The following PRKN variants were observed in gnomAD, a reference collection of about 807,000 sequenced individuals.
PRKN encodes parkin RBR E3 ubiquitin protein ligase, also known as E3 ubiquitin-protein ligase parkin.
Under a neutral mutation model 59.5 loss-of-function variants are expected in PRKN, and 56 were observed. The observed-to-expected ratio is 0.94, with a 90% CI of 0.76 to 1.18. The LOEUF is 1.18. Ranked by LOEUF, PRKN falls within the 50% of genes most tolerant of loss-of-function variation. PRKN has a pLI of 0.00. For missense variants in PRKN, 657 were observed against 596.4 expected (o/e 1.10, Z -1.06); for synonymous variants, 250 against 222.1 (o/e 1.13, Z -1.12).
chr6:161,387,245 T>G (rs541077874), intron 9 of PRKN, among the ~76,000 whole-genome samples: 1 of 152,318 alleles, frequency 6.6e-6, no homozygotes, highest in East Asian at 1.9e-4. Context: ...GGGAGGTAAT[T>G]GAATCATGGG....
chr6:161,936,311 C>T lies in PRKN; in HGVS notation c.734+36991G>A, dbSNP rs113925535. On this transcript the variant is annotated intron_variant, in intron 6 of 11. Coordinates refer to ENST00000366898, the MANE Select transcript of PRKN (RefSeq NM_004562.3). ...TGCACCACCACCTCCTGGGTTCAAGCGATTCTTCTGCCTCAGTCTCCCAAG... is the reference window on the plus strand; with the variant it reads ...TGCACCACCACCTCCTGGGTTCAAGTGATTCTTCTGCCTCAGTCTCCCAAG... Among the ~76,000 whole-genome samples the T allele has an allele frequency of 2.2e-3, 325 of 150,926 alleles. 1 individual carries two copies. Among genetic ancestry groups the T allele is most frequent in the African/African-American group, 7.3e-3 (302 of 41,094 alleles).
At chr6:161,810,596 T>G (rs1466375276) in intron 6 of PRKN, among the ~76,000 whole-genome samples, 1 of 152,188 alleles carries the variant, frequency 6.6e-6, no homozygotes, top group Non-Finnish European at 1.5e-5. Flanking sequence ...GAAGCTGACA[T>G]TCCCTTGGAT....
At chr6:161,626,335 G>C (rs1317207957) in intron 7 of PRKN, among the ~76,000 whole-genome samples, 2 of 152,188 alleles carry the variant, frequency 1.3e-5, no homozygotes, top group East Asian at 3.9e-4. Context: ...GTGTGACACA[G>C]ATCAAGTGCA....
At chr6:162,650,434 T>C (rs1036295500) in intron 1 of PRKN, among the ~76,000 whole-genome samples, 1 of 151,256 alleles carries the variant, frequency 6.6e-6, no homozygotes, top group Non-Finnish European at 1.5e-5. Context: ...CCGTCTCTAC[T>C]AAAAATACAA....
chr6:162,379,205 T>C (rs12192919), intron 2 of PRKN, among the ~76,000 whole-genome samples: 36,100 of 151,244 alleles, frequency 0.24, 4,482 homozygotes, highest in Non-Finnish European at 0.25. Context: ...TGAATTTGAG[T>C]GCCATTGCCA....
chr6:162,548,143 T>C (rs1421955663), intron 1 of PRKN, among the ~76,000 whole-genome samples: 1 of 152,086 alleles, frequency 6.6e-6, no homozygotes, highest in African/African-American at 2.4e-5. Flanking sequence ...CACTGCAACC[T>C]CCACCTCCCA....
At chr6:161,838,253 C>G (rs573742748) in intron 6 of PRKN, among the ~76,000 whole-genome samples, 63 of 152,210 alleles carry the variant, frequency 4.1e-4, no homozygotes, top group African/African-American at 1.4e-3. Context: ...AACTCATGAC[C>G]CAAATTTTTA....
At chr6:162,374,545 T>G (rs1225237743) in intron 2 of PRKN, among the ~76,000 whole-genome samples, 2 of 151,988 alleles carry the variant, frequency 1.3e-5, no homozygotes, top group Non-Finnish European at 2.9e-5. Context: ...ATTTGTTTGT[T>G]TGTTTATTTA....
At position 161,378,399 on chromosome 6, in the gene PRKN, C is replaced by T. The variant is rs543671748; in HGVS notation, c.1167+8395G>A. On this transcript the variant is annotated intron_variant, in intron 10 of 11. Coordinates refer to ENST00000366898, the MANE Select transcript of PRKN (RefSeq NM_004562.3). The surrounding 1 kb of genome is among the most constrained non-coding windows in gnomAD (Gnocchi z 7.3). ...GCCACACCGCCAACATTCAACCTGC[C>T]GGCAACAAAGAGCGGCACGGAGTCC... Among the ~76,000 whole-genome samples the T allele has an allele frequency of 5.9e-5, 9 of 152,184 alleles. No individual in the cohort carries two copies. The highest frequency in any genetic ancestry group is 2.2e-4 in the African/African-American group (9 of 41,454).
intron 1 of PRKN, among the ~76,000 whole-genome samples, chr6:162,703,728 C>A (rs181629017): frequency 4.6e-5 from 7 of 152,232 alleles, no homozygotes; most frequent in Non-Finnish European, 1.0e-4. Flanking sequence ...GTGAGTAGAG[C>A]CTGATTATGC....
At chr6:161,839,847 C>T (rs988389452) in intron 6 of PRKN, among the ~76,000 whole-genome samples, 1 of 152,202 alleles carries the variant, frequency 6.6e-6, no homozygotes, top group Non-Finnish European at 1.5e-5. Flanking sequence ...TGTGCAAATA[C>T]ACAAAATGTA....
At chr6:162,613,561 TG>T (rs1421802501) in intron 1 of PRKN, among the ~76,000 whole-genome samples, 2 of 152,218 alleles carry the variant, frequency 1.3e-5, no homozygotes, top group African/African-American at 4.8e-5. Context: ...GAACTCTCAT[TG>T]CAGTTTACTG....
At chr6:162,285,567 T>A (rs1418948852) in intron 2 of PRKN, among the ~76,000 whole-genome samples, 1 of 152,198 alleles carries the variant, frequency 6.6e-6, no homozygotes, top group Admixed American at 6.5e-5. Flanking sequence ...GCTTGTTGAA[T>A]GAATGAATAT....
intron 1 of PRKN, among the ~76,000 whole-genome samples, chr6:162,651,102 G>C (rs1272211698): frequency 2.6e-5 from 4 of 152,126 alleles, no homozygotes; most frequent in Admixed American, 1.3e-4. Context: ...AGTCAACTGA[G>C]AGCAACCACA....
intron 4 of PRKN, among the ~76,000 whole-genome samples, chr6:162,073,561 C>T (rs1170759640): frequency 6.6e-6 from 1 of 152,166 alleles, no homozygotes; most frequent in Non-Finnish European, 1.5e-5. Flanking sequence ...AAGCGATCCT[C>T]CCACCTCAGC....
At chr6:162,243,011 A>G (rs1401366915) in intron 3 of PRKN, among the ~76,000 whole-genome samples, 7 of 149,028 alleles carry the variant, frequency 4.7e-5, no homozygotes, top group South Asian at 2.1e-4. Context: ...TGGTTCCTTA[A>G]AAAAAAAAAA....
At chr6:161,556,569 T>G (rs931175163) in intron 8 of PRKN, among the ~76,000 whole-genome samples, 1 of 152,198 alleles carries the variant, frequency 6.6e-6, no homozygotes, top group Non-Finnish European at 1.5e-5. Context: ...TAATGGAGAT[T>G]TGTGACAAAC....
intron 2 of PRKN, among the ~76,000 whole-genome samples, chr6:162,303,881 G>A (rs1269010594): frequency 1.3e-5 from 2 of 152,068 alleles, no homozygotes; most frequent in Non-Finnish European, 2.9e-5. Flanking sequence ...GGAGGGCCAG[G>A]AGGAGGCAAT....
At chr6:161,787,621 T>C (rs1293689825) in intron 6 of PRKN, among the ~76,000 whole-genome samples, 1 of 152,186 alleles carries the variant, frequency 6.6e-6, no homozygotes, top group Non-Finnish European at 1.5e-5. Flanking sequence ...AGAACATTTA[T>C]GAAAATGTGC....
Sources: gnomAD v4.1 joint callset for allele counts (sites outside exome capture counted in the v4.1 genomes callset) on GRCh38, gnomAD v4.1.1 for gene constraint, Gnocchi (gnomAD v3.1) non-coding constraint, MANE v1.5 for transcripts, NCBI Gene and HGNC (gene_info 2026-07-23, HGNC 2026-07-21) for gene names.